KTN1: variants seen among roughly 807,000 people sequenced by gnomAD.
The protein encoded by KTN1 is kinectin.
Under a neutral mutation model 222.5 loss-of-function variants are expected in KTN1, and 130 were observed. That is an observed-to-expected ratio of 0.58 (90% CI 0.51 to 0.68). KTN1 has a LOEUF of 0.68. Ranked by LOEUF, KTN1 falls within the 30% of genes least tolerant of loss-of-function variation. KTN1 has a pLI of 0.00. For synonymous variants in KTN1, 512 were observed against 496.3 expected (o/e 1.03, Z -0.42); for missense variants, 1,508 against 1,500.4 (o/e 1.01, Z -0.08).
chr14:55,633,949 G>T (rs1377484767), intron 8 of KTN1, among the ~76,000 whole-genome samples: 1 of 152,074 alleles, frequency 6.6e-6, no homozygotes, highest in East Asian at 1.9e-4. Context: ...GACCAGCCTG[G>T]CCAACGTGGT....
intron 2 of KTN1, among the ~76,000 whole-genome samples, chr14:55,612,902 GAA>G (rs55992309): frequency 0.45 from 67,523 of 148,704 alleles, 17,721 homozygotes; most frequent in Non-Finnish European, 0.59. Context: ...GAAATTAAAA[GAA>G]AAAAAAAAAA....
intron 10 of KTN1, among the ~76,000 whole-genome samples, 193 bp from the exon 11 acceptor site, chr14:55,637,005 G>A (rs1220264923): frequency 6.6e-6 from 1 of 152,006 alleles, no homozygotes; most frequent in African/African-American, 2.4e-5. Flanking sequence ...TACGTGTTAT[G>A]TGTATTGTTT....
intron 43 of KTN1, chr14:55,680,912 T>A: frequency 2.7e-6 from 1 of 367,774 alleles, no homozygotes. Flanking sequence ...AATTAGGAAA[T>A]AACCTTGCTT....
At chr14:55,582,513 C>T (rs1318610494) in intron 1 of KTN1, among the ~76,000 whole-genome samples, 1 of 152,154 alleles carries the variant, frequency 6.6e-6, no homozygotes, top group Admixed American at 6.5e-5. Context: ...AGTTCTTAAT[C>T]AGCCTGTCAT....
intron 6 of KTN1, among the ~76,000 whole-genome samples, chr14:55,628,305 G>C (rs1227915563): frequency 6.6e-6 from 1 of 152,146 alleles, no homozygotes; most frequent in Non-Finnish European, 1.5e-5. Flanking sequence ...GTTTTAATTG[G>C]ATCTGACCTA....
intron 9 of KTN1, 51 bp downstream of exon 9, chr14:55,634,709 T>C: frequency 6.6e-7 from 1 of 1,521,850 alleles, no homozygotes; most frequent in Non-Finnish European, 8.9e-7. Context: ...ATAGGCGTAT[T>C]AGTTCGTTTT....
intron 1 of KTN1, among the ~76,000 whole-genome samples, chr14:55,603,782 C>T (rs1399048411): frequency 6.6e-6 from 1 of 152,208 alleles, no homozygotes; most frequent in Non-Finnish European, 1.5e-5. Context: ...AACCTAACTC[C>T]TTATCTCCAG....
chr14:55,626,892 C>A (rs780284508), intron 5 of KTN1, among the ~76,000 whole-genome samples: 11 of 151,348 alleles, frequency 7.3e-5, no homozygotes, highest in Non-Finnish European at 1.0e-4. Flanking sequence ...CTTCTTGAGA[C>A]CTTCTTCCAA....
intron 41 of KTN1, among the ~76,000 whole-genome samples, chr14:55,676,731 TAAAAAATAA>T (rs2045917285): frequency 6.6e-6 from 1 of 152,226 alleles, no homozygotes; most frequent in South Asian, 2.1e-4. Context: ...TATCTCATTT[TAAAAAATAA>T]TACTCCTTTT....
intron 5 of KTN1, among the ~76,000 whole-genome samples, chr14:55,623,611 T>G (rs2039435437): frequency 6.6e-6 from 1 of 152,238 alleles, no homozygotes; most frequent in Admixed American, 6.5e-5. Flanking sequence ...GCTCAATCAG[T>G]CGTCCTGCCT....
At chr14:55,619,073 C>A in intron 4 of KTN1, 109 bp from the exon 5 acceptor site, 1 of 786,794 alleles carries the variant, frequency 1.3e-6, no homozygotes, top group Non-Finnish European at 2.0e-6. Flanking sequence ...TGTTTTCTTT[C>A]GGTTATTGAC....
chr14:55,652,048 T>C (rs181953302), intron 25 of KTN1, 121 bp downstream of exon 25: 1 of 659,508 alleles, frequency 1.5e-6, no homozygotes, highest in Non-Finnish European at 2.6e-6. Context: ...AAATACTGAT[T>C]ATCTCAAAAC....
intron 41 of KTN1, among the ~76,000 whole-genome samples, chr14:55,677,444 T>C (rs1222321873): frequency 6.9e-6 from 1 of 145,574 alleles, no homozygotes; most frequent in Non-Finnish European, 1.5e-5. Context: ...GCTACTGCAC[T>C]CTAGCCTGGG....
At chr14:55,617,417 G>A (rs963312811) in intron 3 of KTN1, among the ~76,000 whole-genome samples, 2 of 152,080 alleles carry the variant, frequency 1.3e-5, no homozygotes, top group Non-Finnish European at 2.9e-5. Flanking sequence ...AAAATAAAGA[G>A]GCTTCCTTCT....
At chr14:55,654,904 C>T (rs1286665614) in intron 28 of KTN1, among the ~76,000 whole-genome samples, 1 of 152,172 alleles carries the variant, frequency 6.6e-6, no homozygotes, top group Non-Finnish European at 1.5e-5. Context: ...AATGATCTTA[C>T]TGTCTTCAGA....
chr14:55,648,764 G>C (rs1224023231), intron 20 of KTN1, 38 bp from the exon 21 acceptor site: 2 of 1,331,550 alleles, frequency 1.5e-6, no homozygotes, highest in Admixed American at 1.7e-5. Flanking sequence ...ATTTTTCAGA[G>C]AGTAAAATCA....
At chr14:55,626,984 G>T (rs543209181) in intron 5 of KTN1, among the ~76,000 whole-genome samples, 2 of 151,860 alleles carry the variant, frequency 1.3e-5, no homozygotes, top group Non-Finnish European at 2.9e-5. Context: ...CTTTCAGGAT[G>T]TGCCTGTTAA....
chr14:55,655,021 C>A (rs1247989363), intron 28 of KTN1, among the ~76,000 whole-genome samples: 1 of 151,974 alleles, frequency 6.6e-6, no homozygotes, highest in Non-Finnish European at 1.5e-5. Context: ...TCTCTGTGGC[C>A]CAGGCTGGAG....
At chr14:55,596,649 A>G (rs1479048740) in intron 1 of KTN1, among the ~76,000 whole-genome samples, 1 of 152,222 alleles carries the variant, frequency 6.6e-6, no homozygotes, top group Non-Finnish European at 1.5e-5. Context: ...TAATTACATA[A>G]TTGACATACT....
Sources: gnomAD v4.1 joint callset for allele counts (sites outside exome capture counted in the v4.1 genomes callset) on GRCh38, gnomAD v4.1.1 for gene constraint, MANE v1.5 for transcripts, NCBI Gene and HGNC (gene_info 2026-07-23, HGNC 2026-07-21) for gene names.